Variants in P3H2 observed in about 807,000 individuals in gnomAD.
P3H2 encodes the protein leprecan-like 1.
A neutral mutation model predicts 87.0 loss-of-function variants in P3H2; 80 were observed. The ratio of observed to expected loss-of-function variants is 0.92; its 90% confidence interval spans 0.77 to 1.11. P3H2 has a LOEUF of 1.11. Ranked by LOEUF, P3H2 falls within the 50% of genes least tolerant of loss-of-function variation. The pLI is 0.00. For missense variants in P3H2, 1,001 were observed against 923.9 expected, an observed-to-expected ratio of 1.08 and a Z score of -1.08; for synonymous variants, 367 against 359.3, an observed-to-expected ratio of 1.02 and a Z score of -0.24.
At chr3:190,037,690 T>C (rs1366867482) in intron 1 of P3H2, among the ~76,000 whole-genome samples, 1 of 152,224 alleles carries the variant, frequency 6.6e-6, no homozygotes, top group African/African-American at 2.4e-5. Context: ...AATGATTATA[T>C]GGTAAGACAT....
At chr3:189,982,086 T>C (rs1037206341) in intron 8 of P3H2, among the ~76,000 whole-genome samples, 6 of 152,180 alleles carry the variant, frequency 3.9e-5, no homozygotes, top group Non-Finnish European at 5.9e-5. Context: ...CCTCTTGTCT[T>C]GCAATTCTTT....
rs777369431 is a variant in P3H2, at chr3:189,993,226, AAAG to A, written c.823+865_823+867del. Among the ~76,000 whole-genome samples, 8 of 151,798 alleles carry A rather than the reference AAAG, an allele frequency of 5.3e-5. No homozygotes were observed. In the South Asian group the frequency reaches 8.3e-4, roughly 16 times the overall value. On this transcript the variant is annotated intron_variant, in intron 3 of 14. Transcript: ENST00000319332. ...AATCCCAGCTACTCGGGAGGCTGAG[AAAG>A]AAGAATTGCTTGAATCCGGGAGGCA...
At chr3:190,066,158 T>TACACACACAC (rs796289092) in intron 1 of P3H2, among the ~76,000 whole-genome samples, 39 of 134,322 alleles carry the variant, frequency 2.9e-4, no homozygotes, top group Non-Finnish European at 3.1e-4. Flanking sequence ...TATATATATA[T>TACACACACAC]ACACACACAC....
At chr3:189,982,839 CT>C (rs112041322) in intron 8 of P3H2, among the ~76,000 whole-genome samples, 1,936 of 150,780 alleles carry the variant, frequency 0.013, 37 homozygotes, top group African/African-American at 0.045. Context: ...TTCTTTTTTT[CT>C]TTTTTTTTGA....
Position 190,069,648 on chromosome 3 carries a change from A to G in P3H2, c.480+50604T>C, listed in dbSNP as rs574649134. Among the ~76,000 whole-genome samples, 54 of 152,308 alleles carry G rather than the reference A, an allele frequency of 3.5e-4. 1 individual carries two copies. Among genetic ancestry groups the G allele is most frequent in the African/African-American group, 1.3e-3 (52 of 41,578 alleles). On this transcript the variant is annotated intron_variant, in intron 1 of 14. Transcript: ENST00000319332. ...CAACTTTCAGAGGGCCAGTCAAAGA[A>G]CCAACAAACAAATAGAGAGAAAATG... is the stretch of plus-strand genomic sequence containing the variant.
intron 1 of P3H2, among the ~76,000 whole-genome samples, chr3:190,010,015 A>C (rs1189475744): frequency 6.6e-6 from 1 of 152,132 alleles, no homozygotes; most frequent in East Asian, 1.9e-4. Flanking sequence ...CCTAAGTCCC[A>C]CCCTTCCAAC....
chr3:190,111,984 A>G (rs1295329492), intron 1 of P3H2, among the ~76,000 whole-genome samples: 2 of 152,260 alleles, frequency 1.3e-5, no homozygotes, highest in Non-Finnish European at 2.9e-5. Flanking sequence ...TCACTTTATC[A>G]TTAATGGAAT....
intron 1 of P3H2, among the ~76,000 whole-genome samples, chr3:190,107,668 T>C (rs933173970): frequency 1.3e-5 from 2 of 152,200 alleles, no homozygotes; most frequent in Admixed American, 1.3e-4. Context: ...ATTTCCCTTA[T>C]CAAACTTAAA....
intron 12 of P3H2, chr3:189,971,536 G>A: frequency 9.5e-6 from 3 of 315,384 alleles, no homozygotes; most frequent in South Asian, 8.7e-5. Context: ...ATGTGATAAA[G>A]TCCTTATGTA....
chr3:189,968,031 T>C (rs894972820), intron 13 of P3H2, among the ~76,000 whole-genome samples: 2 of 152,204 alleles, frequency 1.3e-5, no homozygotes, highest in East Asian at 3.8e-4. Flanking sequence ...GTTTATCACA[T>C]ACATGTCCCA....
At chr3:190,030,796 C>T (rs188496345) in intron 1 of P3H2, among the ~76,000 whole-genome samples, 17 of 152,138 alleles carry the variant, frequency 1.1e-4, no homozygotes, top group Admixed American at 6.5e-4. Context: ...CCAAAGAGAT[C>T]TTAGACTACA....
At chr3:189,959,860 A>ATG (rs75204350) in intron 14 of P3H2, among the ~76,000 whole-genome samples, 3,178 of 134,638 alleles carry the variant, frequency 0.024, 30 homozygotes, top group South Asian at 0.057. Flanking sequence ...TGGAGGAGAT[A>ATG]TGTGTGTGTG....
At chr3:189,977,937 A>G (rs138383819) in intron 8 of P3H2, among the ~76,000 whole-genome samples, 1 of 152,028 alleles carries the variant, frequency 6.6e-6, no homozygotes, top group Non-Finnish European at 1.5e-5. Flanking sequence ...TCCCCCCTAA[A>G]CGTCTTAGCA....
chr3:189,982,969 T>G (rs982279720), intron 8 of P3H2, 77 bp downstream of exon 8: 1 of 1,100,014 alleles, frequency 9.1e-7, no homozygotes, highest in African/African-American at 1.5e-5. Context: ...GGGTTCTTCC[T>G]TGATCTGGAA....
At chr3:190,116,204 A>G (rs1577331895) in intron 1 of P3H2, among the ~76,000 whole-genome samples, 1 of 152,328 alleles carries the variant, frequency 6.6e-6, no homozygotes, top group African/African-American at 2.4e-5. Flanking sequence ...AGGTGCATTT[A>G]TATGTTAGGA....
At chr3:190,023,115 C>T (rs540850461) in intron 1 of P3H2, among the ~76,000 whole-genome samples, 13 of 152,214 alleles carry the variant, frequency 8.5e-5, no homozygotes, top group East Asian at 1.9e-4. Context: ...TGTGAGCCAC[C>T]ACGCCCAGCC....
At chr3:190,030,944 A>G (rs914061986) in intron 1 of P3H2, among the ~76,000 whole-genome samples, 1 of 152,328 alleles carries the variant, frequency 6.6e-6, no homozygotes, top group Admixed American at 6.5e-5. Flanking sequence ...TGCTAAAAAT[A>G]AACTACAGAT....
At chr3:190,060,741 G>A (rs1726305603) in intron 1 of P3H2, among the ~76,000 whole-genome samples, 1 of 152,032 alleles carries the variant, frequency 6.6e-6, no homozygotes, top group Non-Finnish European at 1.5e-5. Context: ...CTCATAAATG[G>A]ATAAAGATGC....
intron 1 of P3H2, among the ~76,000 whole-genome samples, chr3:190,072,637 GTATT>G (rs1371306683): frequency 7.2e-5 from 11 of 152,074 alleles, no homozygotes; most frequent in Non-Finnish European, 1.5e-4. Flanking sequence ...CTAAAAATCA[GTATT>G]TATTAAATAG....
Sources: allele counts gnomAD v4.1 joint callset (sites outside exome capture counted in the v4.1 genomes callset), GRCh38; gene constraint gnomAD v4.1.1; transcripts MANE v1.5; gene names NCBI Gene and HGNC (gene_info 2026-07-23, HGNC 2026-07-21).